GTF2IRD1: variants seen among roughly 807,000 people sequenced by gnomAD.
GTF2IRD1 encodes general transcription factor II-I repeat domain-containing protein 1.
GTF2IRD1 carries 26 observed loss-of-function variants against 113.2 expected under a neutral mutation model. That is an observed-to-expected ratio of 0.23 (90% CI 0.17 to 0.32). The LOEUF (loss-of-function observed/expected upper bound fraction) is 0.32. Among genes scored for constraint, GTF2IRD1 ranks in the 10% least tolerant of loss-of-function variants. The probability of loss-of-function intolerance (pLI) is 1.00; values close to 1 mark genes in which losing one functional copy is unlikely to be tolerated. For synonymous variants in GTF2IRD1, 484 were observed against 529.1 expected (o/e 0.91, Z 1.17); for missense variants, 864 against 1,280.8 (o/e 0.67, Z 4.97).
At chr7:74,580,539 T>C (rs1291563520) in intron 22 of GTF2IRD1, among the ~76,000 whole-genome samples, 1 of 151,918 alleles carries the variant, frequency 6.6e-6, no homozygotes, top group African/African-American at 2.4e-5. Flanking sequence ...ATTGTGTACA[T>C]AGCATGGCTG....
chr7:74,513,876 G>C (rs1433007247), intron 3 of GTF2IRD1, among the ~76,000 whole-genome samples: 2 of 152,118 alleles, frequency 1.3e-5, no homozygotes, highest in Admixed American at 1.3e-4. Context: ...AACCAGGCTT[G>C]ATGGTGTACA....
intron 22 of GTF2IRD1, among the ~76,000 whole-genome samples, chr7:74,582,320 C>T (rs1801464521): frequency 6.6e-6 from 1 of 152,264 alleles, no homozygotes; most frequent in Non-Finnish European, 1.5e-5. Context: ...GGTTCCCTCC[C>T]AGACAGTGAG....
chr7:74,466,031 A>C (rs1793685646), intron 1 of GTF2IRD1, among the ~76,000 whole-genome samples: 1 of 152,162 alleles, frequency 6.6e-6, no homozygotes, highest in Non-Finnish European at 1.5e-5. Context: ...TTGGCCTCCC[A>C]ATGTGTTGGG....
rs782031585 is a variant in GTF2IRD1 at position 74,535,181 on chromosome 7, G to C, written c.1300+43G>C. 15 of 1,568,484 alleles carry C rather than the reference G, an allele frequency of 9.6e-6. No homozygotes were observed. The Middle Eastern group carries it at 1.3e-3, about 140-fold the overall frequency. ...AGTCCATTCTGAAGTTTCCGGATTG[G>C]TTCCCCAACAGAACCCGAGCTGCCA... is the stretch of plus-strand genomic sequence containing the variant. On this transcript the variant is annotated intron_variant, in intron 10 of 26. Transcript: ENST00000424337.
intron 1 of GTF2IRD1, among the ~76,000 whole-genome samples, chr7:74,498,994 T>C (rs1554338763): frequency 1.3e-5 from 2 of 152,248 alleles, no homozygotes; most frequent in African/African-American, 2.4e-5. Flanking sequence ...CCTCCCAAAG[T>C]GCTGGGATTA....
chr7:74,533,847 G>GT (rs1798121568), intron 9 of GTF2IRD1, among the ~76,000 whole-genome samples: 1 of 152,002 alleles, frequency 6.6e-6, no homozygotes, highest in Admixed American at 6.5e-5. Flanking sequence ...GGACAACACA[G>GT]TAAGACCCTG....
chr7:74,490,544 C>CG (rs1352423005), intron 1 of GTF2IRD1, among the ~76,000 whole-genome samples: 1 of 56,824 alleles, frequency 1.8e-5, no homozygotes, highest in African/African-American at 7.7e-5. Flanking sequence ...GAAAGGATAC[C>CG]CCCCCCCCCG....
At chr7:74,538,218 G>T in intron 12 of GTF2IRD1, 45 bp downstream of exon 12, 1 of 1,582,030 alleles carries the variant, frequency 6.3e-7, no homozygotes, top group Non-Finnish European at 8.7e-7. Context: ...GGCCGGGAGG[G>T]CAACCACCAG....
rs587596324 is a variant in GTF2IRD1 at position 74,526,192 on chromosome 7, C to T, written c.1090+2038C>T. ...CAGGCCAGTGTTCTGGCCTGTCCCACGCTCTGGACTTTCCAAAATGCCAAG... is the reference window on the plus strand; with the variant it reads ...CAGGCCAGTGTTCTGGCCTGTCCCATGCTCTGGACTTTCCAAAATGCCAAG... On this transcript the variant is annotated intron_variant, in intron 8 of 26. Coordinates refer to ENST00000424337, the MANE Select transcript of GTF2IRD1 (RefSeq NM_005685.4). Among the ~76,000 whole-genome samples the T allele has an allele frequency of 3.3e-5, 5 of 152,372 alleles. No individual in the cohort carries two copies. In the South Asian group the frequency reaches 6.2e-4, roughly 19 times the overall value.
At chr7:74,480,287 G>C (rs1242110790) in intron 1 of GTF2IRD1, among the ~76,000 whole-genome samples, 2 of 152,176 alleles carry the variant, frequency 1.3e-5, no homozygotes, top group African/African-American at 4.8e-5. Flanking sequence ...CTGTGAGCTG[G>C]TGGCTGTGTC....
intron 9 of GTF2IRD1, among the ~76,000 whole-genome samples, chr7:74,530,743 C>T (rs1205240621): frequency 1.3e-5 from 2 of 151,912 alleles, no homozygotes; most frequent in African/African-American, 2.4e-5. Flanking sequence ...TTTTCATTGT[C>T]CTTATTTCCC....
intron 1 of GTF2IRD1, among the ~76,000 whole-genome samples, chr7:74,500,555 C>T (rs1007709504): frequency 1.8e-4 from 28 of 152,058 alleles, no homozygotes; most frequent in African/African-American, 6.8e-4. Flanking sequence ...CGGGCCAGGC[C>T]TCTCAGTGTC....
intron 15 of GTF2IRD1, among the ~76,000 whole-genome samples, chr7:74,545,496 A>G (rs1798868908): frequency 1.3e-5 from 2 of 152,120 alleles, no homozygotes; most frequent in Admixed American, 1.3e-4. Flanking sequence ...AGTCCACAGA[A>G]CCTTCCAAAT....
chr7:74,481,329 A>C (rs1554334617), intron 1 of GTF2IRD1, among the ~76,000 whole-genome samples: 1 of 151,208 alleles, frequency 6.6e-6, no homozygotes, highest in Admixed American at 6.6e-5. Flanking sequence ...TCATATTTTA[A>C]ATTTTTTGTT....
At chr7:74,468,706 G>C (rs1793899002) in intron 1 of GTF2IRD1, among the ~76,000 whole-genome samples, 1 of 149,500 alleles carries the variant, frequency 6.7e-6, no homozygotes, top group Admixed American at 6.7e-5. Context: ...GTGTGTGTGT[G>C]TGTGTGTGTG....
chr7:74,597,664 G>A (rs1802505237), intron 25 of GTF2IRD1, among the ~76,000 whole-genome samples: 1 of 151,992 alleles, frequency 6.6e-6, no homozygotes, highest in African/African-American at 2.4e-5. Flanking sequence ...CGTCTCCTAA[G>A]AAATAAAAAA....
intron 24 of GTF2IRD1, among the ~76,000 whole-genome samples, chr7:74,591,589 A>G (rs868988799): frequency 4.6e-5 from 7 of 152,216 alleles, no homozygotes; most frequent in Middle Eastern, 6.8e-3. Flanking sequence ...CATGTTGGCC[A>G]GGCTGGTCTC....
chr7:74,575,085 C>T (rs782113393), intron 22 of GTF2IRD1, among the ~76,000 whole-genome samples: 10 of 116,598 alleles, frequency 8.6e-5, no homozygotes, highest in East Asian at 7.5e-4. Flanking sequence ...AGCGAAACTC[C>T]GTCTCAAAAT....
At chr7:74,521,065 GT>G (rs782246402) in intron 6 of GTF2IRD1, 142 bp from the exon 7 acceptor site, 4 of 588,788 alleles carry the variant, frequency 6.8e-6, no homozygotes, top group Non-Finnish European at 1.2e-5. Context: ...CTTGCCTTGA[GT>G]TTGTGATCAC....
Sources: gnomAD v4.1 joint callset for allele counts (sites outside exome capture counted in the v4.1 genomes callset) on GRCh38, gnomAD v4.1.1 for gene constraint, MANE v1.5 for transcripts, NCBI Gene and HGNC (gene_info 2026-07-23, HGNC 2026-07-21) for gene names.